Variants in SPEF2 observed in about 807,000 individuals in gnomAD.
The protein encoded by SPEF2 is sperm flagellar and cilia associated 2, also known as sperm flagella and cilia-associated protein 2.
In SPEF2, 187 loss-of-function variants were observed where a neutral mutation model predicts 224.6. The ratio of observed to expected loss-of-function variants is 0.83; its 90% confidence interval spans 0.74 to 0.94. The LOEUF is 0.94. Among genes scored for constraint, SPEF2 ranks in the 40% least tolerant of loss-of-function variants. The pLI, the probability that SPEF2 is intolerant of heterozygous loss-of-function variation, is 0.00. For missense variants in SPEF2, 2,170 were observed against 2,135.6 expected (o/e 1.02, Z -0.32); for synonymous variants, 715 against 707.3 (o/e 1.01, Z -0.17).
intron 21 of SPEF2, among the ~76,000 whole-genome samples, chr5:35,731,386 G>C (rs1745617847): frequency 6.6e-6 from 1 of 152,138 alleles, no homozygotes; most frequent in Non-Finnish European, 1.5e-5. Flanking sequence ...CACTTTTTAG[G>C]TGCCCAGTAC....
At chr5:35,706,324 T>C (rs1038577740) in intron 18 of SPEF2, among the ~76,000 whole-genome samples, 1 of 151,832 alleles carries the variant, frequency 6.6e-6, no homozygotes, top group Admixed American at 6.6e-5. Context: ...ATTAAATTGA[T>C]TATTAATTAT....
At chr5:35,726,075 A>G (rs1580463102) in intron 20 of SPEF2, among the ~76,000 whole-genome samples, 1 of 152,184 alleles carries the variant, frequency 6.6e-6, no homozygotes. Flanking sequence ...GTTGATAAAG[A>G]TTTTGTTCAA....
chr5:35,789,686 G>A (rs1195863865), intron 30 of SPEF2: 1 of 638,584 alleles, frequency 1.6e-6, no homozygotes, highest in African/African-American at 1.8e-5. Context: ...TTAAATTGTG[G>A]CCCACAAAGA....
chr5:35,682,695 T>C (rs1450230946), intron 10 of SPEF2, among the ~76,000 whole-genome samples: 1 of 152,220 alleles, frequency 6.6e-6, no homozygotes, highest in Non-Finnish European at 1.5e-5. Context: ...TTGAATTTTG[T>C]GCTAGGTGCT....
intron 28 of SPEF2, among the ~76,000 whole-genome samples, chr5:35,775,079 A>C (rs1222925942): frequency 6.6e-6 from 1 of 152,196 alleles, no homozygotes; most frequent in Non-Finnish European, 1.5e-5. Context: ...CTGGAGACAC[A>C]CATTTATATG....
intron 25 of SPEF2, among the ~76,000 whole-genome samples, chr5:35,760,230 G>T (rs1343906432): frequency 6.6e-6 from 1 of 151,760 alleles, no homozygotes; most frequent in African/African-American, 2.4e-5. Flanking sequence ...GGGCGTAGTG[G>T]CGGGCGCCTG....
intron 26 of SPEF2, chr5:35,764,583 C>T (rs761607163): frequency 4.4e-6 from 2 of 456,140 alleles, no homozygotes; most frequent in South Asian, 3.1e-5. Context: ...CACAACATGC[C>T]AAGCCTTCTT....
At chr5:35,735,478 G>A (rs1746430774) in intron 21 of SPEF2, among the ~76,000 whole-genome samples, 1 of 152,178 alleles carries the variant, frequency 6.6e-6, no homozygotes, top group Admixed American at 6.5e-5. Context: ...AAGTTTTCCA[G>A]TAACATGAGT....
chr5:35,772,908 G>A (rs1034614796), intron 27 of SPEF2, among the ~76,000 whole-genome samples: 2 of 152,102 alleles, frequency 1.3e-5, no homozygotes, highest in African/African-American at 2.4e-5. Flanking sequence ...ACCCTTCGAA[G>A]TCAGACCCTC....
intron 11 of SPEF2, among the ~76,000 whole-genome samples, chr5:35,691,989 AG>A (rs1419682605): frequency 1.3e-5 from 2 of 151,522 alleles, no homozygotes; most frequent in South Asian, 2.1e-4. Flanking sequence ...TAGTAGAGAC[AG>A]GGTTTCACCA....
chr5:35,628,438 A>C, intron 1 of SPEF2, 22 bp from the exon 2 acceptor site: 1 of 1,513,252 alleles, frequency 6.6e-7, no homozygotes, highest in Non-Finnish European at 9.2e-7. Context: ...CATGGTTTTT[A>C]TCTCAATGTT....
chr5:35,624,370 T>C (rs1046570687), intron 1 of SPEF2, among the ~76,000 whole-genome samples: 2 of 152,186 alleles, frequency 1.3e-5, no homozygotes, highest in Non-Finnish European at 1.5e-5. Flanking sequence ...TTTATTTACT[T>C]ATCATATTCC....
At chr5:35,760,618 G>T (rs2149750225) in intron 25 of SPEF2, among the ~76,000 whole-genome samples, 1 of 152,188 alleles carries the variant, frequency 6.6e-6, no homozygotes, top group African/African-American at 2.4e-5. Flanking sequence ...TAGGATAGAA[G>T]AAAAATTTTA....
rs1208589410 is a variant in SPEF2 at position 35,645,129 on chromosome 5, A to G, written c.585+604A>G. Among the ~76,000 whole-genome samples, 3 of 152,330 alleles carry G rather than the reference A, an allele frequency of 2.0e-5. No individual in the cohort carries two copies. In the East Asian group the frequency reaches 5.8e-4, roughly 29 times the overall value. ...TTTGTGGGTGAGAGAATAATGGTACATGAAATCATTAAAGATTTTTAAGAG... is the reference window on the plus strand; with the variant it reads ...TTTGTGGGTGAGAGAATAATGGTACGTGAAATCATTAAAGATTTTTAAGAG... On this transcript the variant is annotated intron_variant, in intron 4 of 36. Coordinates refer to ENST00000356031, the MANE Select transcript of SPEF2 (RefSeq NM_024867.4).
intron 2 of SPEF2, among the ~76,000 whole-genome samples, chr5:35,636,282 A>G (rs1273034743): frequency 2.0e-5 from 3 of 152,156 alleles, no homozygotes; most frequent in African/African-American, 7.2e-5. Context: ...AAGAAACTCT[A>G]TGAGTGGATT....
chr5:35,739,841 G>T, intron 21 of SPEF2, 78 bp from the exon 22 acceptor site: 1 of 1,542,568 alleles, frequency 6.5e-7, no homozygotes, highest in Non-Finnish European at 8.8e-7. Context: ...CTTTTTGCTT[G>T]GGACTGTTCT....
intron 2 of SPEF2, among the ~76,000 whole-genome samples, chr5:35,638,981 C>T (rs1252446537): frequency 1.3e-5 from 2 of 152,082 alleles, no homozygotes; most frequent in Admixed American, 1.3e-4. Flanking sequence ...CCACAGAGGG[C>T]CTTTTGTGAA....
rs778165190 is a variant in SPEF2 at position 35,795,804 on chromosome 5, T to C, written c.4830+9T>C. ...AGGAGCATCTTATAGAGGTAATGAC[T>C]GAGATCTTTAAAACATGTGGCATTA... On this transcript the variant is annotated intron_variant, in intron 33 of 36. Coordinates refer to ENST00000356031, the MANE Select transcript of SPEF2 (RefSeq NM_024867.4). 1 of 1,593,680 alleles carries C rather than the reference T, an allele frequency of 6.3e-7. No individual in the cohort carries two copies. The highest frequency in any genetic ancestry group is 8.6e-7 in the Non-Finnish European group (1 of 1,165,300).
intron 2 of SPEF2, among the ~76,000 whole-genome samples, chr5:35,633,250 C>G (rs1407468578): frequency 6.6e-6 from 1 of 152,040 alleles, no homozygotes. Flanking sequence ...TCAAATTATT[C>G]TTGTTGAGTT....
Sources: gnomAD v4.1 joint callset for allele counts (sites outside exome capture counted in the v4.1 genomes callset) on GRCh38, gnomAD v4.1.1 for gene constraint, MANE v1.5 for transcripts, NCBI Gene and HGNC (gene_info 2026-07-23, HGNC 2026-07-21) for gene names.